SMG1: variants seen among roughly 807,000 people sequenced by gnomAD.
SMG1 encodes SMG1 nonsense mediated mRNA decay associated PI3K related kinase.
In SMG1, 22 loss-of-function variants were observed where a neutral mutation model predicts 419.9. The observed-to-expected ratio is 0.05, with a 90% CI of 0.04 to 0.07. SMG1 has a LOEUF of 0.07. SMG1 is among the 10% of genes least tolerant of loss of function. The pLI is 1.00. For synonymous variants in SMG1, 1,538 were observed against 1,553.5 expected (o/e 0.99, Z 0.23); for missense variants, 3,185 against 4,342.0 (o/e 0.73, Z 7.49).
rs559203034 is a variant in SMG1, at chr16:18,836,632, G to A, written c.7605-100C>T. Reference sequence around the variant, plus strand: ...TGCTCACACATGGACTGTCTGGTACGCTCCTTGTTCACCTTGAGGGCCCTC... The same window carrying A: ...TGCTCACACATGGACTGTCTGGTACACTCCTTGTTCACCTTGAGGGCCCTC... On this transcript the variant is annotated intron_variant, in intron 46 of 62. Transcript: ENST00000446231. 1.4e-4 allele frequency: 172 copies of A among 1,263,344 alleles called. No homozygotes were observed. The East Asian group carries it at 1.4e-3, about 10-fold the overall frequency. 78.3% of individuals were successfully genotyped at this position (1,263,344 alleles called of 1,614,324 possible).
chr16:18,851,406 C>T (rs1480428978), intron 33 of SMG1, among the ~76,000 whole-genome samples: 4 of 150,534 alleles, frequency 2.7e-5, no homozygotes, highest in Admixed American at 2.0e-4. Flanking sequence ...CACACACACA[C>T]ACGCGCACGC....
At chr16:18,853,262 T>C (rs8044298) in intron 31 of SMG1, among the ~76,000 whole-genome samples, 4 of 152,100 alleles carry the variant, frequency 2.6e-5, no homozygotes, top group African/African-American at 9.7e-5. Context: ...CACCAATCAA[T>C]AGGAACACAG....
intron 56 of SMG1, among the ~76,000 whole-genome samples, chr16:18,819,234 C>T (rs1025234868): frequency 2.6e-5 from 4 of 152,212 alleles, no homozygotes; most frequent in African/African-American, 7.2e-5. Flanking sequence ...GAACCTTAAA[C>T]AGATATGAAT....
chr16:18,889,553 C>T lies in SMG1; in HGVS notation c.641G>A (p.Gly214Glu). The change falls in exon 6 of 63, where the codon GGA becomes GAA. Residue 214 changes from glycine to glutamate, a missense_variant. Transcript: ENST00000446231. Reference protein sequence around the residue: ...SKLLQELRQEGACCLGLLCAS... With the variant: ...SKLLQELRQEEACCLGLLCAS... Reference sequence around the variant, plus strand: ...ACAAAGAAGGCCAAGACAGCAAGCTCCCTCCTGTCTCAACTCCTGAAGCAA... The same window carrying T: ...ACAAAGAAGGCCAAGACAGCAAGCTTCCTCCTGTCTCAACTCCTGAAGCAA... 1.7e-6 allele frequency: 1 copy of T among 586,268 alleles called. No homozygotes were observed. The highest frequency in any genetic ancestry group is 2.0e-5 in the South Asian group (1 of 49,702). 36.3% of individuals were successfully genotyped at this position (586,268 alleles called of 1,614,324 possible).
intron 1 of SMG1, among the ~76,000 whole-genome samples, chr16:18,899,613 A>G (rs1431344534): frequency 1.3e-5 from 2 of 152,222 alleles, no homozygotes; most frequent in Non-Finnish European, 2.9e-5. Flanking sequence ...CAACAAGATC[A>G]TCCCAGTCCA....
chr16:18,819,531 C>G lies in SMG1; in HGVS notation c.9865G>C (p.Val3289Leu), dbSNP rs1284632368. The change falls in exon 56 of 63, where the codon GTC becomes CTC. Residue 3289 changes from valine to leucine, a missense_variant. By Grantham distance (32) the Val-to-Leu change is conservative (BLOSUM62 1). Coordinates refer to ENST00000446231, the MANE Select transcript of SMG1 (RefSeq NM_015092.5). Reference protein sequence around the residue: ...EATIAERRNLVLKESQRASQV... With the variant: ...EATIAERRNLLLKESQRASQV... ...CTTGCTCTTTGGCTCTCTTTAAGGA[C>G]AAGATTTCTTCTTTCAGCTATCGTT... is the stretch of plus-strand genomic sequence containing the variant. 1 of 1,609,828 alleles carries G rather than the reference C, an allele frequency of 6.2e-7. No homozygotes were observed. Among genetic ancestry groups the G allele is most frequent in the East Asian group, 2.2e-5 (1 of 44,804 alleles).
chr16:18,848,569 G>A (rs1213032173), intron 36 of SMG1, among the ~76,000 whole-genome samples: 1 of 151,832 alleles, frequency 6.6e-6, no homozygotes, highest in Non-Finnish European at 1.5e-5. Flanking sequence ...GCCTCCCAAA[G>A]TGCTGGTATT....
At chr16:18,814,340 T>C (rs1020910692) in intron 60 of SMG1, among the ~76,000 whole-genome samples, 2 of 150,786 alleles carry the variant, frequency 1.3e-5, no homozygotes, top group Non-Finnish European at 3.0e-5. Flanking sequence ...GATATATATA[T>C]ATATTTTTTT....
rs556043833 is a variant in SMG1 at position 18,833,047 on chromosome 16, G to A, written c.8685C>T (p.Thr2895=). Residue 2895 remains threonine, a synonymous_variant, in exon 51 of 63, where the codon ACC becomes ACT. Coordinates refer to ENST00000446231, the MANE Select transcript of SMG1 (RefSeq NM_015092.5). ...HELDGLIEQT[T]DGVPLQTLVE... Reference sequence around the variant, plus strand: ...CTAGAGTCTGCAGGGGAACGCCATCGGTGGTCTGCTCAATAAGACCGTCCA... The same window carrying A: ...CTAGAGTCTGCAGGGGAACGCCATCAGTGGTCTGCTCAATAAGACCGTCCA... 6.0e-5 allele frequency: 97 copies of A among 1,613,908 alleles called. 1 individual carries two copies. In the South Asian group the frequency reaches 7.9e-4, roughly 13 times the overall value.
chr16:18,919,657 TACACACACACACACACACACACACAC>T (rs368125844), intron 1 of SMG1, among the ~76,000 whole-genome samples: 1 of 125,748 alleles, frequency 8.0e-6, no homozygotes, highest in Non-Finnish European at 1.6e-5. Context: ...TGTGTATATA[TACACACACACACACACACACACACAC>T]ACACACACAC....
At chr16:18,895,942 G>C (rs1341700720) in intron 3 of SMG1, 110 bp downstream of exon 3, 2 of 1,125,798 alleles carry the variant, frequency 1.8e-6, no homozygotes. Context: ...CTGCACAGTA[G>C]GCTAATCAAC....
At chr16:18,845,683 T>G (rs2034218535) in intron 38 of SMG1, 32 bp from the exon 39 acceptor site, 2 of 1,553,584 alleles carry the variant, frequency 1.3e-6, no homozygotes. Flanking sequence ...TTCAAAAACT[T>G]AAATGTGTAC....
At chr16:18,831,143 T>G (rs1223805966) in intron 51 of SMG1, among the ~76,000 whole-genome samples, 1 of 152,300 alleles carries the variant, frequency 6.6e-6, no homozygotes, top group African/African-American at 2.4e-5. Context: ...ACCCCTCACA[T>G]TACCATTAAG....
chr16:18,876,277 G>C lies in SMG1; in HGVS notation c.1737C>G (p.Leu579=). 3 of 1,611,722 alleles carry C rather than the reference G, an allele frequency of 1.9e-6. No homozygotes were observed. The highest frequency in any genetic ancestry group is 2.5e-6 in the Non-Finnish European group (3 of 1,179,686). Residue 579 remains leucine (L), a synonymous_variant, in exon 13 of 63, where the codon CTC becomes CTG. Coordinates refer to ENST00000446231, the MANE Select transcript of SMG1 (RefSeq NM_015092.5). ...CCTCAGGAAGTTGTAGACTGTGTAGGAGGTTGTTTAGGGCACAAGTCATTT... is the reference window on the plus strand; with the variant it reads ...CCTCAGGAAGTTGTAGACTGTGTAGCAGGTTGTTTAGGGCACAAGTCATTT... The part of the protein sequence containing the change: ...LGEMTCALNN[L]LHSLQLPEAC...
Position 18,832,918 on chromosome 16 carries a change from G to A in SMG1, c.8792+22C>T, listed in dbSNP as rs141402464. On this transcript the variant is annotated intron_variant, in intron 51 of 62. Transcript: ENST00000446231. ...TGTCCCATCTCTTTTACAAGGAAAC[G>A]GCACAGCCAGCATTCACTTGCCTGG... 1,087 of 1,596,782 alleles carry A rather than the reference G, an allele frequency of 6.8e-4. 11 individuals carry two copies. In the East Asian group the frequency reaches 0.018, roughly 26 times the overall value.
Position 18,837,453 on chromosome 16 carries a change from G to A in SMG1, c.7414-10C>T, listed in dbSNP as rs1355057862. On this transcript the variant is annotated splice_polypyrimidine_tract_variant and intron_variant, in intron 45 of 62. Coordinates refer to ENST00000446231, the MANE Select transcript of SMG1 (RefSeq NM_015092.5). ...TCTTAAACCAGTTCACCTGTAAAAA[G>A]ATATTACGATTAAGAAGACTCTTAC... The A allele has an allele frequency of 6.2e-7, 1 of 1,606,020 alleles. No individual in the cohort carries two copies. Among genetic ancestry groups the A allele is most frequent in the South Asian group, 1.1e-5 (1 of 90,118 alleles).
Position 18,859,013 on chromosome 16 carries a change from T to C in SMG1, c.4113+9A>G. On this transcript the variant is annotated intron_variant, in intron 28 of 62. Transcript: ENST00000446231. ...AGTCATAAGAGTGTGCTTGTAAAAA[T>C]ATACAGACCTCTGTTGAAAGTCTGT... 6.7e-7 allele frequency: 1 copy of C among 1,486,690 alleles called. No homozygotes were observed. Among genetic ancestry groups the C allele is most frequent in the Non-Finnish European group, 9.0e-7 (1 of 1,117,026 alleles). The allele number at this position is 1,486,690 out of a possible 1,614,324, so 92.1% of individuals were successfully genotyped here.
In SMG1 at chr16:18,926,083, G is replaced by A. The variant is rs777879617; in HGVS notation, c.-42C>T. On this transcript the variant is annotated 5_prime_UTR_variant, in exon 1 of 63. Coordinates refer to ENST00000446231, the MANE Select transcript of SMG1 (RefSeq NM_015092.5). The stretch of plus-strand genomic sequence containing the variant: ...ACATGGCCAAGCGCCGCCGCCCAAA[G>A]AAGCGCGAGTCGCCGCCCGAACCGG... 5.3e-6 allele frequency: 8 copies of A among 1,518,980 alleles called. No homozygotes were observed. The African/African-American group carries it at 7.2e-5, about 14-fold the overall frequency. The allele number at this position is 1,518,980 out of a possible 1,614,324, so 94.1% of individuals were successfully genotyped here.
intron 18 of SMG1, 122 bp downstream of exon 18, chr16:18,870,488 A>G: frequency 2.9e-6 from 2 of 681,560 alleles, no homozygotes; most frequent in Non-Finnish European, 5.0e-6. Context: ...ATCACTGACA[A>G]ACAGGGCCAT....
Sources: gnomAD v4.1 joint callset for allele counts (sites outside exome capture counted in the v4.1 genomes callset) on GRCh38, gnomAD v4.1.1 for gene constraint, MANE v1.5 for transcripts, NCBI Gene and HGNC (gene_info 2026-07-23, HGNC 2026-07-21) for gene names.